The following PHACTR1 variants were observed in gnomAD, a reference collection of about 807,000 sequenced individuals.
PHACTR1 encodes the protein phosphatase and actin regulator 1, also known as RPEL repeat containing 1.
In PHACTR1, 16 loss-of-function variants were observed where a neutral mutation model predicts 69.2. The ratio of observed to expected loss-of-function variants is 0.23; its 90% CI spans 0.16 to 0.35. The LOEUF is 0.35. PHACTR1 is among the 10% of genes least tolerant of loss of function. PHACTR1 has a pLI of 1.00. For synonymous variants in PHACTR1, 312 were observed against 284.5 expected (o/e 1.10, Z -0.97); for missense variants, 510 against 734.7 (o/e 0.69, Z 3.54).
At chr6:12,804,067 A>T (rs1774012688) in intron 4 of PHACTR1, among the ~76,000 whole-genome samples, 1 of 152,248 alleles carries the variant, frequency 6.6e-6, no homozygotes, top group African/African-American at 2.4e-5. Flanking sequence ...GAGGTGTTTT[A>T]TACCATTCAT....
At chr6:13,212,967 A>G (rs1436953167) in intron 8 of PHACTR1, among the ~76,000 whole-genome samples, 2 of 152,010 alleles carry the variant, frequency 1.3e-5, no homozygotes, top group South Asian at 2.1e-4. Flanking sequence ...GTTTTGTGTC[A>G]TTTGCCTTTC....
chr6:13,023,870 A>T (rs1302809874), intron 4 of PHACTR1, among the ~76,000 whole-genome samples: 1 of 152,242 alleles, frequency 6.6e-6, no homozygotes, highest in Non-Finnish European at 1.5e-5. Flanking sequence ...TGAGGCCAGG[A>T]GTTCGAGACC....
intron 4 of PHACTR1, among the ~76,000 whole-genome samples, chr6:12,990,412 G>A (rs576642506): frequency 6.6e-6 from 1 of 152,230 alleles, no homozygotes; most frequent in Non-Finnish European, 1.5e-5. Context: ...ACCAGCTCTG[G>A]GACCAGCCGA....
At chr6:12,729,780 G>C (rs561893485) in intron 3 of PHACTR1, among the ~76,000 whole-genome samples, 2 of 152,330 alleles carry the variant, frequency 1.3e-5, no homozygotes, top group African/African-American at 4.8e-5. Flanking sequence ...ACTCAAACAA[G>C]AAGAAAGCCT....
rs376916709 is a variant in PHACTR1, at chr6:12,751,030, CAA to C, written c.250+1242_250+1243del. 8.2e-3 allele frequency among the ~76,000 whole-genome samples: 1,245 copies of C among 152,238 alleles called. 11 individuals are homozygous for C. Among genetic ancestry groups the C allele is most frequent in the African/African-American group, 0.028 (1,171 of 41,552 alleles). The stretch of plus-strand genomic sequence containing the variant: ...CGCGTGCATGGTGCATGTGTTAGAG[CAA>C]AGAGAACCTTCAGATGATGGGTATT... On this transcript the variant is annotated intron_variant, in intron 4 of 14. Transcript: ENST00000332995.
chr6:13,040,525 G>A (rs1803975560), intron 4 of PHACTR1, among the ~76,000 whole-genome samples: 1 of 152,104 alleles, frequency 6.6e-6, no homozygotes, highest in Non-Finnish European at 1.5e-5. Context: ...TTCAACTTGG[G>A]GAAAATTCCC....
intron 4 of PHACTR1, among the ~76,000 whole-genome samples, chr6:12,797,040 T>TGTGTGTGTGTGTGTGTGA (rs563796658): frequency 5.2e-5 from 7 of 133,396 alleles, no homozygotes; most frequent in African/African-American, 2.0e-4. Flanking sequence ...TGTGTGTGTG[T>TGTGTGTGTGTGTGTGTGA]GAGAGAGAGA....
In PHACTR1 at chr6:12,860,004, C is replaced by CATCATTATT. The variant is rs527613595; in HGVS notation, c.250+110216_250+110217insCATTATTAT. 1.0e-3 allele frequency among the ~76,000 whole-genome samples: 153 copies of CATCATTATT among 151,442 alleles called. 1 individual carries two copies. Among genetic ancestry groups the CATCATTATT allele is most frequent in the African/African-American group, 3.4e-3 (142 of 41,260 alleles). ...AGGACATCTTCATCATCATCATCAT[C>CATCATTATT]ATTATTATTATTATTATTATTAAGT... On this transcript the variant is annotated intron_variant, in intron 4 of 14. Transcript: ENST00000332995.
At chr6:12,757,833 C>T (rs920957942) in intron 4 of PHACTR1, among the ~76,000 whole-genome samples, 6 of 152,076 alleles carry the variant, frequency 3.9e-5, no homozygotes, top group Admixed American at 6.6e-5. Flanking sequence ...CAGTTATGGC[C>T]AGGTGTGGTG....
intron 5 of PHACTR1, among the ~76,000 whole-genome samples, chr6:13,147,751 A>G (rs1168703376): frequency 6.6e-6 from 1 of 152,208 alleles, no homozygotes; most frequent in Non-Finnish European, 1.5e-5. Context: ...AAACTATTGC[A>G]ATAGTACAAA....
intron 3 of PHACTR1, among the ~76,000 whole-genome samples, chr6:12,739,707 T>A (rs1178765058): frequency 6.6e-6 from 1 of 152,040 alleles, no homozygotes; most frequent in Non-Finnish European, 1.5e-5. Context: ...CCAGCTAATG[T>A]TTAAATTTTG....
intron 4 of PHACTR1, among the ~76,000 whole-genome samples, chr6:12,979,134 GTCCCTGGTGGACC>G (rs1795211349): frequency 6.6e-6 from 1 of 152,198 alleles, no homozygotes; most frequent in African/African-American, 2.4e-5. Flanking sequence ...TGAGCACATT[GTCCCTGGTGGACC>G]AGGGTCTGTG....
At chr6:13,087,464 T>A (rs1812499450) in intron 5 of PHACTR1, among the ~76,000 whole-genome samples, 1 of 151,890 alleles carries the variant, frequency 6.6e-6, no homozygotes, top group Non-Finnish European at 1.5e-5. Context: ...ACTAAATTCA[T>A]GTTCAAGTGA....
At chr6:12,881,463 T>C (rs1460657188) in intron 4 of PHACTR1, among the ~76,000 whole-genome samples, 1 of 152,168 alleles carries the variant, frequency 6.6e-6, no homozygotes, top group Non-Finnish European at 1.5e-5. Context: ...GAGTCATCTA[T>C]GTAGATGTCA....
At chr6:13,285,400 CAG>C (rs1442895236) in intron 13 of PHACTR1, among the ~76,000 whole-genome samples, 1 of 152,164 alleles carries the variant, frequency 6.6e-6, no homozygotes, top group Non-Finnish European at 1.5e-5. Flanking sequence ...CGGCCATAGA[CAG>C]AGCTATGCAA....
chr6:12,791,868 C>T (rs1017635461), intron 4 of PHACTR1, among the ~76,000 whole-genome samples: 1 of 152,044 alleles, frequency 6.6e-6, no homozygotes, highest in Admixed American at 6.6e-5. Context: ...AGGGTTGCAC[C>T]ATAGTGGGGA....
At chr6:13,080,896 C>T (rs1022237633) in intron 5 of PHACTR1, among the ~76,000 whole-genome samples, 5 of 152,108 alleles carry the variant, frequency 3.3e-5, no homozygotes, top group Admixed American at 6.6e-5. Flanking sequence ...TGGCTTGCTT[C>T]CATGACTAAT....
chr6:12,898,208 C>T (rs114757265), intron 4 of PHACTR1, among the ~76,000 whole-genome samples: 261 of 152,198 alleles, frequency 1.7e-3, no homozygotes, highest in South Asian at 2.3e-3. Context: ...CTTTTGTTCT[C>T]CTAAACCTTA....
At chr6:13,068,207 C>G (rs779376112) in intron 5 of PHACTR1, among the ~76,000 whole-genome samples, 24 of 152,246 alleles carry the variant, frequency 1.6e-4, no homozygotes, top group Non-Finnish European at 3.1e-4. Flanking sequence ...GTCCCACCTA[C>G]TCCGGAGGCT....
Sources: gnomAD v4.1 joint callset for allele counts (sites outside exome capture counted in the v4.1 genomes callset) on GRCh38, gnomAD v4.1.1 for gene constraint, MANE v1.5 for transcripts, NCBI Gene and HGNC (gene_info 2026-07-23, HGNC 2026-07-21) for gene names.